Variants in CENPW observed in about 807,000 individuals in gnomAD.
CENPW encodes the protein centromere protein W, also known as cancer-up-regulated gene 2 protein.
Under a neutral mutation model 11.1 loss-of-function variants are expected in CENPW, and 3 were observed. That is an observed-to-expected ratio of 0.27 (90% CI 0.12 to 0.70). The LOEUF is 0.70. Among genes scored for constraint, CENPW ranks in the 30% least tolerant of loss-of-function variants. The pLI is 0.77. For missense variants in CENPW, 100 were observed against 105.6 expected (o/e 0.95, Z 0.23); for synonymous variants, 38 against 42.0 (o/e 0.91, Z 0.37).
At chr6:126,387,020 T>C in the CENPW span, among the ~76,000 whole-genome samples, 1 of 151,992 alleles carries the variant, frequency 6.6e-6, no homozygotes. Context: ...GACTGAGTGA[T>C]TTATTTAGAG....
chr6:126,415,648 G>A, the CENPW span, among the ~76,000 whole-genome samples: 3 of 152,160 alleles, frequency 2.0e-5, no homozygotes, highest in Non-Finnish European at 4.4e-5. Context: ...AATCTTGAGG[G>A]CAGGTCTTTC....
chr6:126,377,523 G>T, the CENPW span, among the ~76,000 whole-genome samples: 2 of 152,148 alleles, frequency 1.3e-5, no homozygotes, highest in African/African-American at 4.8e-5. Flanking sequence ...AACAGTTTCT[G>T]CAGTGTTACT....
chr6:126,428,498 G>A, the CENPW span, among the ~76,000 whole-genome samples: 1 of 152,100 alleles, frequency 6.6e-6, no homozygotes, highest in South Asian at 2.1e-4. Context: ...GTGGTCTAGT[G>A]GAGGGTAACT....
At chr6:126,415,500 TC>T in the CENPW span, among the ~76,000 whole-genome samples, 1 of 152,192 alleles carries the variant, frequency 6.6e-6, no homozygotes, top group Admixed American at 6.5e-5. Flanking sequence ...AGAAGTTAAA[TC>T]ACAGGTCCAC....
the CENPW span, among the ~76,000 whole-genome samples, chr6:126,466,659 C>T: frequency 2.0e-4 from 30 of 152,068 alleles, no homozygotes; most frequent in South Asian, 6.2e-3. Flanking sequence ...CCATATATTC[C>T]TTTGGGTTTT....
chr6:126,432,592 G>T, the CENPW span, among the ~76,000 whole-genome samples: 5 of 152,018 alleles, frequency 3.3e-5, no homozygotes, highest in Non-Finnish European at 5.9e-5. Flanking sequence ...ACTCCTTATT[G>T]TACTGACTAT....
the CENPW span, among the ~76,000 whole-genome samples, chr6:126,359,021 A>C: frequency 6.6e-6 from 1 of 151,162 alleles, no homozygotes; most frequent in Admixed American, 6.6e-5. Context: ...GCAAAGTTAG[A>C]TAGTTAATCT....
At position 126,341,300 on chromosome 6, in the gene CENPW, C is replaced by T. The variant is rs112537546; in HGVS notation, c.126+901C>T. ...GAGTAAAGGAGCCATTATAAATGGA[C>T]ACATAATTTCCAGGAGATCAAGGTA... On this transcript the variant is annotated intron_variant, in intron 1 of 2. Transcript: ENST00000368328. Among the ~76,000 whole-genome samples the T allele has an allele frequency of 4.7e-3, 723 of 152,276 alleles. 3 individuals are homozygous for T. Among genetic ancestry groups the T allele is most frequent in the African/African-American group, 0.015 (642 of 41,534 alleles).
At chr6:126,480,504 A>C in the CENPW span, among the ~76,000 whole-genome samples, 1 of 151,994 alleles carries the variant, frequency 6.6e-6, no homozygotes. Context: ...TAAATAATAC[A>C]CCAAGAGTTA....
the CENPW span, among the ~76,000 whole-genome samples, chr6:126,413,254 G>A: frequency 2.6e-5 from 4 of 151,282 alleles, no homozygotes; most frequent in Admixed American, 6.6e-5. Context: ...TAGATTCAAC[G>A]CAGAAAGAGA....
the CENPW span, among the ~76,000 whole-genome samples, chr6:126,416,734 C>T: frequency 6.6e-5 from 10 of 152,134 alleles, no homozygotes; most frequent in Non-Finnish European, 1.2e-4. Flanking sequence ...TGCCAGTGCA[C>T]AGAAGTCAAG....
At chr6:126,474,538 T>C in the CENPW span, among the ~76,000 whole-genome samples, 15 of 152,156 alleles carry the variant, frequency 9.9e-5, no homozygotes, top group African/African-American at 3.4e-4. Context: ...AAAGAGTTAT[T>C]AGGGCCAGTG....
At chr6:126,355,686 A>G in the CENPW span, among the ~76,000 whole-genome samples, 1 of 152,198 alleles carries the variant, frequency 6.6e-6, no homozygotes, top group Admixed American at 6.5e-5. Context: ...AATATCAGGT[A>G]CAAGACCCAT....
At chr6:126,389,677 T>TGTGC in the CENPW span, among the ~76,000 whole-genome samples, 3 of 151,564 alleles carry the variant, frequency 2.0e-5, no homozygotes, top group Non-Finnish European at 4.4e-5. Flanking sequence ...TGTGTGTGTG[T>TGTGC]GCCTTCCTCA....
chr6:126,422,396 T>C, the CENPW span, among the ~76,000 whole-genome samples: 4 of 152,140 alleles, frequency 2.6e-5, no homozygotes, highest in African/African-American at 9.6e-5. Context: ...ACAAAGGTGC[T>C]GGCAGGTTTG....
the CENPW span, among the ~76,000 whole-genome samples, chr6:126,419,511 A>T: frequency 3.3e-5 from 5 of 152,224 alleles, no homozygotes; most frequent in African/African-American, 1.2e-4. Context: ...AAGGGGAGAC[A>T]GATGATAAAT....
chr6:126,461,271 C>G, the CENPW span, among the ~76,000 whole-genome samples: 2 of 151,864 alleles, frequency 1.3e-5, no homozygotes, highest in African/African-American at 4.8e-5. Flanking sequence ...TACACACGCT[C>G]TCTTCTCTTG....
At chr6:126,383,002 A>G in the CENPW span, among the ~76,000 whole-genome samples, 1 of 152,202 alleles carries the variant, frequency 6.6e-6, no homozygotes, top group Admixed American at 6.5e-5. Flanking sequence ...TATAAGGTTG[A>G]AATGAAGGAA....
At chr6:126,388,011 C>T in the CENPW span, among the ~76,000 whole-genome samples, 1 of 151,916 alleles carries the variant, frequency 6.6e-6, no homozygotes, top group Non-Finnish European at 1.5e-5. Flanking sequence ...AAGATAGCTT[C>T]ATTCTGCTTA....
Sources: allele counts gnomAD v4.1 joint callset (sites outside exome capture counted in the v4.1 genomes callset), GRCh38; gene constraint gnomAD v4.1.1; transcripts MANE v1.5; gene names NCBI Gene and HGNC (gene_info 2026-07-23, HGNC 2026-07-21).